RUNX2: variants seen among roughly 807,000 people sequenced by gnomAD.
RUNX2 encodes runt-related transcription factor 2.
In RUNX2, 10 loss-of-function variants were observed where a neutral mutation model predicts 51.7. That is an observed-to-expected ratio of 0.19 (90% CI 0.12 to 0.33). The LOEUF (loss-of-function observed/expected upper bound fraction) is 0.33, where lower values mean the gene tolerates loss of function less well. Ranked by LOEUF, RUNX2 falls within the 10% of genes least tolerant of loss-of-function variation. The pLI is 1.00. For synonymous variants in RUNX2, 276 were observed against 273.6 expected (o/e 1.01, Z -0.09); for missense variants, 562 against 691.3 (o/e 0.81, Z 2.10).
chr6:45,540,497 G>A (rs933632266), intron 7 of RUNX2, among the ~76,000 whole-genome samples: 5 of 151,980 alleles, frequency 3.3e-5, no homozygotes, highest in Admixed American at 2.0e-4. Flanking sequence ...TCGTGTTGCC[G>A]CTCAGATCTA....
intron 5 of RUNX2, among the ~76,000 whole-genome samples, chr6:45,443,800 C>G (rs1387732467): frequency 6.6e-6 from 1 of 152,080 alleles, no homozygotes; most frequent in Non-Finnish European, 1.5e-5. Flanking sequence ...TGAGCCTTGC[C>G]CAGCAACATG....
At position 45,437,890 on chromosome 6, in the gene RUNX2, A is replaced by G. The variant is rs1798729693; in HGVS notation, c.581-57A>G. ...AATTTGGAAATCTATGCTGCTGTGT[A>G]ATCATCAACACTGTTTTTTAATATT... On this transcript the variant is annotated intron_variant, in intron 4 of 8. Transcript: ENST00000647337. 7 of 1,236,708 alleles carry G rather than the reference A, an allele frequency of 5.7e-6. No homozygotes were observed. In the East Asian group the frequency reaches 1.6e-4, roughly 29 times the overall value. The allele number at this position is 1,236,708 out of a possible 1,614,324, so 76.6% of individuals were successfully genotyped here.
chr6:45,394,809 G>C (rs557908839), intron 2 of RUNX2, among the ~76,000 whole-genome samples: 25 of 152,314 alleles, frequency 1.6e-4, no homozygotes, highest in African/African-American at 5.3e-4. Context: ...TTAAGGGCAG[G>C]CGTTGGTTAA....
chr6:45,396,417 C>A (rs1243331796), intron 2 of RUNX2, among the ~76,000 whole-genome samples: 1 of 152,148 alleles, frequency 6.6e-6, no homozygotes, highest in African/African-American at 2.4e-5. Flanking sequence ...CATTTATGCT[C>A]CCATGCCAGC....
At chr6:45,426,885 GAGT>G (rs1401590766) in intron 3 of RUNX2, among the ~76,000 whole-genome samples, 1 of 152,064 alleles carries the variant, frequency 6.6e-6, no homozygotes, top group Non-Finnish European at 1.5e-5. Flanking sequence ...TGATACCAGT[GAGT>G]AGTATTTTTC....
At chr6:45,373,523 T>C (rs1396382404) in intron 2 of RUNX2, among the ~76,000 whole-genome samples, 1 of 152,104 alleles carries the variant, frequency 6.6e-6, no homozygotes, top group Non-Finnish European at 1.5e-5. Flanking sequence ...AAAAGCACCA[T>C]TACTGTGACT....
At chr6:45,406,843 C>A (rs1797844923) in intron 2 of RUNX2, among the ~76,000 whole-genome samples, 1 of 152,010 alleles carries the variant, frequency 6.6e-6, no homozygotes, top group African/African-American at 2.4e-5. Flanking sequence ...CCAGCCCAAC[C>A]CAGTACTAGG....
chr6:45,404,607 TAC>T (rs1410856621), intron 2 of RUNX2, among the ~76,000 whole-genome samples: 1 of 152,330 alleles, frequency 6.6e-6, no homozygotes, highest in East Asian at 1.9e-4. Flanking sequence ...GAACAAAATT[TAC>T]AGTTCTCAAG....
chr6:45,510,934 C>T (rs1378660752), intron 6 of RUNX2, among the ~76,000 whole-genome samples: 1 of 151,952 alleles, frequency 6.6e-6, no homozygotes, highest in Non-Finnish European at 1.5e-5. Flanking sequence ...GCCAAGGTTA[C>T]ACAGAAAGAA....
chr6:45,491,862 G>A, intron 5 of RUNX2, 79 bp from the exon 6 acceptor site: 3 of 1,419,978 alleles, frequency 2.1e-6, no homozygotes, highest in South Asian at 2.3e-5. Context: ...CTCCCAGTTT[G>A]TATGTTCACA....
intron 7 of RUNX2, among the ~76,000 whole-genome samples, chr6:45,531,343 T>A (rs1022993736): frequency 6.6e-6 from 1 of 152,076 alleles, no homozygotes; most frequent in African/African-American, 2.4e-5. Context: ...GAACCCAAAA[T>A]AAAGTAAAAT....
At chr6:45,405,026 T>C (rs936719367) in intron 2 of RUNX2, among the ~76,000 whole-genome samples, 4 of 152,254 alleles carry the variant, frequency 2.6e-5, no homozygotes, top group African/African-American at 9.6e-5. Context: ...GATGAAAGCA[T>C]TAACTCATGT....
At chr6:45,389,816 C>T (rs2150346330) in intron 2 of RUNX2, among the ~76,000 whole-genome samples, 1 of 152,112 alleles carries the variant, frequency 6.6e-6, no homozygotes, top group African/African-American at 2.4e-5. Context: ...TAGAGACCAG[C>T]CTGGCCAGCA....
intron 3 of RUNX2, among the ~76,000 whole-genome samples, chr6:45,427,451 G>C (rs1431368357): frequency 1.3e-5 from 2 of 151,742 alleles, no homozygotes; most frequent in Non-Finnish European, 2.9e-5. Context: ...AAATTCAATG[G>C]GCTTTTCCTA....
intron 2 of RUNX2, among the ~76,000 whole-genome samples, chr6:45,340,767 CTT>C (rs1358394023): frequency 6.6e-6 from 1 of 151,902 alleles, no homozygotes; most frequent in South Asian, 2.1e-4. Flanking sequence ...AAATTAAACA[CTT>C]AAACACCAAG....
chr6:45,388,449 G>T (rs916079521), intron 2 of RUNX2, among the ~76,000 whole-genome samples: 1 of 152,136 alleles, frequency 6.6e-6, no homozygotes, highest in African/African-American at 2.4e-5. Context: ...TCTGCTTCTC[G>T]TTAGAAATGA....
chr6:45,502,677 C>T (rs563210493), intron 6 of RUNX2, among the ~76,000 whole-genome samples: 1 of 152,272 alleles, frequency 6.6e-6, no homozygotes, highest in African/African-American at 2.4e-5. Context: ...TGTGTCCATT[C>T]CAGCTGTTGT....
At chr6:45,390,958 T>A (rs1016537033) in intron 2 of RUNX2, among the ~76,000 whole-genome samples, 1 of 152,208 alleles carries the variant, frequency 6.6e-6, no homozygotes, top group Admixed American at 6.5e-5. Flanking sequence ...CTCTTCCCTC[T>A]GATCAAATCT....
At chr6:45,464,454 G>A (rs1197344903) in intron 5 of RUNX2, among the ~76,000 whole-genome samples, 1 of 152,036 alleles carries the variant, frequency 6.6e-6, no homozygotes, top group Non-Finnish European at 1.5e-5. Context: ...GATGACATGA[G>A]AATAATGTAA....
Sources: gnomAD v4.1 joint callset for allele counts (sites outside exome capture counted in the v4.1 genomes callset) on GRCh38, gnomAD v4.1.1 for gene constraint, MANE v1.5 for transcripts, NCBI Gene and HGNC (gene_info 2026-07-23, HGNC 2026-07-21) for gene names.